The following DCLRE1C variants were observed in gnomAD, a reference collection of about 807,000 sequenced individuals.
The protein encoded by DCLRE1C is protein artemis.
DCLRE1C carries 47 observed loss-of-function variants against 61.4 expected under a neutral mutation model. The observed-to-expected ratio is 0.77, with a 90% CI of 0.61 to 0.98. The LOEUF is 0.98. Ranked by LOEUF, DCLRE1C falls within the 50% of genes least tolerant of loss-of-function variation. The pLI is 0.00. For synonymous variants in DCLRE1C, 337 were observed against 287.6 expected (o/e 1.17, Z -1.74); for missense variants, 858 against 816.0 (o/e 1.05, Z -0.63).
chr10:14,947,231 C>T (rs1841833118), intron 2 of DCLRE1C, among the ~76,000 whole-genome samples: 2 of 151,854 alleles, frequency 1.3e-5, no homozygotes, highest in South Asian at 4.2e-4. Context: ...AACAAACAAA[C>T]AAACAAACAA....
intron 1 of DCLRE1C, among the ~76,000 whole-genome samples, chr10:14,953,190 T>C (rs1842709386): frequency 6.6e-6 from 1 of 152,218 alleles, no homozygotes; most frequent in Non-Finnish European, 1.5e-5. Flanking sequence ...AGTGACTTGT[T>C]AGCACAATAG....
In DCLRE1C at chr10:14,899,016, T is replaced by A. The variant is rs1833801173; in HGVS notation, c.*148A>T. The A allele has an allele frequency of 1.1e-5, 6 of 562,664 alleles. No homozygotes were observed. The East Asian group carries it at 1.7e-4, about 16-fold the overall frequency. The allele number at this position is 562,664 out of a possible 1,614,324, so 34.9% of individuals were successfully genotyped here. On this transcript the variant is annotated 3_prime_UTR_variant, in exon 14 of 14. Coordinates refer to the DCLRE1C transcript ENST00000378289. Reference sequence around the variant, plus strand: ...ATGAAAGTAATGCAGTGTTCCAATGTACTGCTCAAATCCTGTTTAAAAAGT... The same window carrying A: ...ATGAAAGTAATGCAGTGTTCCAATGAACTGCTCAAATCCTGTTTAAAAAGT...
In DCLRE1C at chr10:14,908,965, G is replaced by C. The variant is rs1341819499; in HGVS notation, c.1522C>G (p.Pro508Ala). Reference sequence around the variant, plus strand: ...GATCCCCCTGCCACTGTGGAGGAAGGGAAGTTTTCCAAACTCTCATCTGTG... The same window carrying C: ...GATCCCCCTGCCACTGTGGAGGAAGCGAAGTTTTCCAAACTCTCATCTGTG... Reference protein sequence around the residue: ...EITDESLENFPSSTVAGGSQS... With the variant: ...EITDESLENFASSTVAGGSQS... Residue 508 changes from proline to alanine, a missense_variant, in exon 14 of 14, where the codon CCT becomes GCT. Physicochemically the swap from Pro to Ala is conservative, Grantham distance 27. This residue lies in a region of DCLRE1C where 843 missense variants were observed against 783.5 expected (regional missense o/e 1.08). Coordinates refer to ENST00000378278, the MANE Select transcript of DCLRE1C (RefSeq NM_001033855.3). 6.2e-7 allele frequency: 1 copy of C among 1,614,110 alleles called. No individual in the cohort carries two copies. Among genetic ancestry groups the C allele is most frequent in the South Asian group, 1.1e-5 (1 of 91,082 alleles).
rs2131777003 is a variant in DCLRE1C at position 14,909,065 on chromosome 10, G to T, written c.1422C>A (p.Gly474=). ...CAGCCTTTTGCAGGTGAAGTACAGA[G>T]CCCAGATCTCCTTGCAGTGAAGCTG... ...GIPASLQGDL[G]SVLHLQKADG... is the part of the protein sequence containing the mutation. The change falls in exon 14 of 14, where the codon GGC becomes GGA. Residue 474 remains glycine, a synonymous_variant. Coordinates refer to ENST00000378278, the MANE Select transcript of DCLRE1C (RefSeq NM_001033855.3). 6.2e-7 allele frequency: 1 copy of T among 1,614,166 alleles called. No individual in the cohort carries two copies.
At chr10:14,900,172 A>G (rs1285149826), downstream of DCLRE1C, among the ~76,000 whole-genome samples, 2 of 152,234 alleles carry the variant, frequency 1.3e-5, no homozygotes, top group East Asian at 1.9e-4. Flanking sequence ...TAAATTATAA[A>G]TTAGTATTCT....
At chr10:14,903,924 A>G (rs1428850848), downstream of DCLRE1C, 6 of 152,196 alleles carry the variant, frequency 3.9e-5, no homozygotes, top group Admixed American at 1.3e-4. Flanking sequence ...TATTCATTAT[A>G]TTGCTATGAC....
chr10:14,919,711 C>T, intron 13 of DCLRE1C, 27 bp downstream of exon 13: 1 of 1,577,766 alleles, frequency 6.3e-7, no homozygotes, highest in Non-Finnish European at 8.7e-7. Context: ...GAGCCCACCC[C>T]TCTGAACCCA....
At chr10:14,918,619 AG>A (rs1415563129) in intron 13 of DCLRE1C, among the ~76,000 whole-genome samples, 1 of 151,002 alleles carries the variant, frequency 6.6e-6, no homozygotes, top group Non-Finnish European at 1.5e-5. Flanking sequence ...ACCTCAGGAA[AG>A]CTGTTTTTTA....
chr10:14,932,028 G>C (rs1027865645), intron 9 of DCLRE1C, among the ~76,000 whole-genome samples: 3 of 150,702 alleles, frequency 2.0e-5, no homozygotes, highest in Non-Finnish European at 3.0e-5. Flanking sequence ...AGCAAGGCTC[G>C]TCTCAAAAAT....
At chr10:14,898,607 A>G (rs1002011675) in exon 14 of DCLRE1C, 2 of 152,124 alleles carry the variant, frequency 1.3e-5, no homozygotes, top group East Asian at 1.9e-4. Context: ...TTGTTAACCA[A>G]AATTTTTTAA....
chr10:14,945,908 T>G (rs1841609572), intron 2 of DCLRE1C, among the ~76,000 whole-genome samples: 2 of 151,170 alleles, frequency 1.3e-5, no homozygotes, highest in South Asian at 4.2e-4. Context: ...TCCACCCACC[T>G]CGGCCTCCCA....
At chr10:14,912,126 AC>A (rs1307065978) in intron 13 of DCLRE1C, among the ~76,000 whole-genome samples, 1 of 152,190 alleles carries the variant, frequency 6.6e-6, no homozygotes, top group East Asian at 1.9e-4. Context: ...CTAGAGATGG[AC>A]CTCTAGGGAA....
At chr10:14,922,257 A>G (rs931510748) in intron 12 of DCLRE1C, among the ~76,000 whole-genome samples, 1 of 152,162 alleles carries the variant, frequency 6.6e-6, no homozygotes, top group Non-Finnish European at 1.5e-5. Context: ...CCTGGTCAAC[A>G]TGGCAAAACC....
Position 14,909,165 on chromosome 10 carries a change from A to G in DCLRE1C, c.1322T>C (p.Met441Thr), listed in dbSNP as rs374914377. 10 of 1,614,070 alleles carry G rather than the reference A, an allele frequency of 6.2e-6. No individual in the cohort carries two copies. In the African/African-American group the frequency reaches 1.2e-4, roughly 19 times the overall value. ...QTPGCCRAEC[M>T]QSSRFTNFVD... ...AAAGTTTGTGAAACGAGAGCTCTGC[A>G]TACACTCTGCTCTGCAGCATCCTGG... The change falls in exon 14 of 14, where the codon ATG becomes ACG. Residue 441 changes from methionine (M) to threonine (T), a missense_variant. Met to Thr is a moderately conservative substitution (Grantham distance 81, BLOSUM62 -1). Coordinates refer to ENST00000378278, the MANE Select transcript of DCLRE1C (RefSeq NM_001033855.3).
intron 1 of DCLRE1C, among the ~76,000 whole-genome samples, chr10:14,949,822 A>G (rs1842198361): frequency 6.6e-6 from 1 of 152,220 alleles, no homozygotes; most frequent in African/African-American, 2.4e-5. Flanking sequence ...ACGTAGGCGG[A>G]TCACCTGAGG....
chr10:14,920,412 T>G, intron 12 of DCLRE1C: 1 of 1,011,988 alleles, frequency 9.9e-7, no homozygotes, highest in East Asian at 9.6e-5. Flanking sequence ...AACTGCCTCC[T>G]CCTGGCAGAT....
chr10:14,922,354 T>C (rs1289245566), intron 12 of DCLRE1C, among the ~76,000 whole-genome samples: 3 of 151,252 alleles, frequency 2.0e-5, no homozygotes, highest in Non-Finnish European at 4.4e-5. Context: ...GGCAGGAGAA[T>C]CGTTTGAACC....
intron 13 of DCLRE1C, among the ~76,000 whole-genome samples, chr10:14,914,152 G>T (rs894891098): frequency 6.6e-6 from 1 of 152,092 alleles, no homozygotes; most frequent in Non-Finnish European, 1.5e-5. Context: ...CTGCTTACAA[G>T]AAACCCACTT....
At position 14,953,589 on chromosome 10, in the gene DCLRE1C, C is replaced by T. The variant is rs151160282; in HGVS notation, c.109+313G>A. On this transcript the variant is annotated intron_variant, in intron 1 of 13. Coordinates refer to ENST00000378278, the MANE Select transcript of DCLRE1C (RefSeq NM_001033855.3). ...TTTCTTCATACATGGTAGCGAGGCT[C>T]TGAGGGAAGTACTAACCCTCGCCAA... is the stretch of plus-strand genomic sequence containing the variant. Among the ~76,000 whole-genome samples, 123 of 152,220 alleles carry T rather than the reference C, an allele frequency of 8.1e-4. No individual in the cohort carries two copies. In the East Asian group the frequency reaches 0.023, roughly 28 times the overall value.
Sources: gnomAD v4.1 joint callset for allele counts (sites outside exome capture counted in the v4.1 genomes callset) on GRCh38, gnomAD v4.1.1 for gene constraint, gnomAD v4.1.1 regional missense constraint, MANE v1.5 for transcripts, NCBI Gene and HGNC (gene_info 2026-07-23, HGNC 2026-07-21) for gene names.